The following ITGA9 variants were observed in gnomAD, a reference collection of about 807,000 sequenced individuals.
The protein encoded by ITGA9 is integrin alpha-9.
A neutral mutation model predicts 127.8 loss-of-function variants in ITGA9; 56 were observed. That is an observed-to-expected ratio of 0.44 (90% CI 0.35 to 0.55). The LOEUF (loss-of-function observed/expected upper bound fraction) is 0.55, where lower values mean the gene tolerates loss of function less well. Among genes scored for constraint, ITGA9 ranks in the 20% least tolerant of loss-of-function variants. ITGA9 has a pLI of 0.00. For synonymous variants in ITGA9, 508 were observed against 514.5 expected (o/e 0.99, Z 0.17); for missense variants, 1,196 against 1,347.1 (o/e 0.89, Z 1.76).
intron 17 of ITGA9, among the ~76,000 whole-genome samples, chr3:37,668,728 T>G (rs1700608465): frequency 2.6e-5 from 4 of 152,138 alleles, no homozygotes; most frequent in Admixed American, 2.6e-4. Context: ...GCACACACCC[T>G]CTCATCAGCA....
intron 15 of ITGA9, among the ~76,000 whole-genome samples, chr3:37,598,549 G>A (rs1053897347): frequency 2.0e-5 from 3 of 152,162 alleles, no homozygotes; most frequent in African/African-American, 7.2e-5. Context: ...AGAGTCAGGG[G>A]GGTCAGGAAG....
In ITGA9 at chr3:37,638,883, T is replaced by C. The variant is rs572968192; in HGVS notation, c.1839+9547T>C. On this transcript the variant is annotated intron_variant, in intron 16 of 27. Coordinates refer to ENST00000264741, the MANE Select transcript of ITGA9 (RefSeq NM_002207.3). The stretch of plus-strand genomic sequence containing the variant: ...GCTTACTGATTAATCTGAGGCTTTT[T>C]GCTATGAGTTAGGAATGTGCAGGAC... Among the ~76,000 whole-genome samples, 3 of 152,334 alleles carry C rather than the reference T, an allele frequency of 2.0e-5. No individual in the cohort carries two copies. The East Asian group carries it at 5.8e-4, about 29-fold the overall frequency.
At chr3:37,763,533 T>C (rs1433588031) in intron 23 of ITGA9, among the ~76,000 whole-genome samples, 1 of 152,174 alleles carries the variant, frequency 6.6e-6, no homozygotes, top group Non-Finnish European at 1.5e-5. Flanking sequence ...CTGGGGGAGT[T>C]TTCTGCCACA....
intron 18 of ITGA9, among the ~76,000 whole-genome samples, chr3:37,728,083 G>A (rs1309909590): frequency 2.0e-5 from 3 of 152,196 alleles, no homozygotes; most frequent in East Asian, 1.9e-4. Context: ...TCACTGGTCC[G>A]CGTTCCCAGT....
intron 18 of ITGA9, among the ~76,000 whole-genome samples, chr3:37,709,060 A>C (rs563909643): frequency 6.6e-6 from 1 of 152,186 alleles, no homozygotes; most frequent in East Asian, 1.9e-4. Flanking sequence ...CTTTTTTTTA[A>C]TGCTGCCTCA....
chr3:37,633,819 G>T (rs907527808), intron 16 of ITGA9, among the ~76,000 whole-genome samples: 3 of 152,080 alleles, frequency 2.0e-5, no homozygotes, highest in African/African-American at 7.2e-5. Flanking sequence ...CACTCCCACT[G>T]CCCAGCATCA....
At chr3:37,616,857 T>A (rs1045597814) in intron 15 of ITGA9, among the ~76,000 whole-genome samples, 12 of 152,228 alleles carry the variant, frequency 7.9e-5, no homozygotes, top group Non-Finnish European at 1.3e-4. Flanking sequence ...CCTATGTGTG[T>A]CTCTGCACGT....
In ITGA9 at chr3:37,542,529, A is replaced by G; in HGVS notation, c.1633A>G (p.Lys545Glu). 6.2e-7 allele frequency: 1 copy of G among 1,614,106 alleles called. No homozygotes were observed. The highest frequency in any genetic ancestry group is 8.5e-7 in the Non-Finnish European group (1 of 1,180,006). ...LGETMGQVTEKLQLTYMEETC... is the reference protein window; with the variant it reads ...LGETMGQVTEELQLTYMEETC... Reference sequence around the variant, plus strand: ...AGAGACCATGGGTCAGGTCACAGAGAAGCTGCAGCTGACTTACATGGAGGA... The same window carrying G: ...AGAGACCATGGGTCAGGTCACAGAGGAGCTGCAGCTGACTTACATGGAGGA... Residue 545 changes from lysine to glutamate, a missense_variant, in exon 15 of 28, where the codon AAG (lysine) becomes GAG (glutamate). By Grantham distance (56) the Lys-to-Glu change is moderately conservative. Coordinates refer to ENST00000264741, the MANE Select transcript of ITGA9 (RefSeq NM_002207.3).
At chr3:37,455,294 C>G (rs59082493) in intron 1 of ITGA9, among the ~76,000 whole-genome samples, 2 of 152,162 alleles carry the variant, frequency 1.3e-5, no homozygotes, top group East Asian at 1.9e-4. Flanking sequence ...CAACCTTTAA[C>G]GAAACCCTTG....
chr3:37,801,052 C>G (rs1697229933), intron 26 of ITGA9, among the ~76,000 whole-genome samples: 1 of 152,176 alleles, frequency 6.6e-6, no homozygotes, highest in Non-Finnish European at 1.5e-5. Context: ...GTAATCCCAG[C>G]TTCTTGGGAG....
At chr3:37,577,841 C>T (rs924702757) in intron 15 of ITGA9, among the ~76,000 whole-genome samples, 2 of 152,268 alleles carry the variant, frequency 1.3e-5, no homozygotes, top group African/African-American at 2.4e-5. Flanking sequence ...TAGTCATGAG[C>T]GTCACTTGGA....
At chr3:37,548,934 G>A (rs1461930448) in intron 15 of ITGA9, among the ~76,000 whole-genome samples, 1 of 152,226 alleles carries the variant, frequency 6.6e-6, no homozygotes, top group Non-Finnish European at 1.5e-5. Context: ...GGCAAGAAAA[G>A]AGGGGAAGGT....
intron 26 of ITGA9, among the ~76,000 whole-genome samples, chr3:37,795,387 A>G (rs1043605080): frequency 2.0e-5 from 3 of 152,212 alleles, no homozygotes; most frequent in African/African-American, 7.2e-5. Flanking sequence ...AAAAGTTTCC[A>G]GAAACACAGA....
Position 37,629,133 on chromosome 3 carries a change from T to C in ITGA9, c.1690-54T>C, listed in dbSNP as rs1489892110. On this transcript the variant is annotated intron_variant, in intron 15 of 27. Coordinates refer to ENST00000264741, the MANE Select transcript of ITGA9 (RefSeq NM_002207.3). The surrounding 1 kb of genome is among the most constrained non-coding windows in gnomAD (Gnocchi z 4.5). Reference sequence around the variant, plus strand: ...GGTCTTTGTAAACTGTGAAATGCTCTACGACTGTCAGCCAGGATTAGTAGT... The same window carrying C: ...GGTCTTTGTAAACTGTGAAATGCTCCACGACTGTCAGCCAGGATTAGTAGT... The C allele has an allele frequency of 3.1e-6, 5 of 1,604,796 alleles. No individual in the cohort carries two copies. The highest frequency in any genetic ancestry group is 1.3e-5 in the African/African-American group (1 of 74,706).
chr3:37,585,802 C>CCCCA (rs1553648617), intron 15 of ITGA9, among the ~76,000 whole-genome samples: 1 of 151,784 alleles, frequency 6.6e-6, no homozygotes, highest in African/African-American at 2.4e-5. Context: ...GGGGGCCCCC[C>CCCCA]CAATTTTAAT....
At chr3:37,473,136 C>CAAAAAAAAAAAAA (rs36109791) in intron 2 of ITGA9, among the ~76,000 whole-genome samples, 93 of 70,720 alleles carry the variant, frequency 1.3e-3, no homozygotes, top group Middle Eastern at 9.6e-3. Context: ...GAGACTGTCT[C>CAAAAAAAAAAAAA]AAAAAAAAAA....
chr3:37,700,140 G>C (rs780556769), intron 18 of ITGA9, among the ~76,000 whole-genome samples: 1 of 151,958 alleles, frequency 6.6e-6, no homozygotes, highest in African/African-American at 2.4e-5. Flanking sequence ...ATGCTACCAT[G>C]CTCAGCTAAT....
At chr3:37,770,205 A>G (rs1229082250) in intron 23 of ITGA9, among the ~76,000 whole-genome samples, 4 of 152,198 alleles carry the variant, frequency 2.6e-5, no homozygotes, top group Non-Finnish European at 4.4e-5. Flanking sequence ...CCCTCCACAC[A>G]TGGGTGCCGT....
chr3:37,683,547 C>G (rs895716023), intron 17 of ITGA9, among the ~76,000 whole-genome samples: 1 of 152,168 alleles, frequency 6.6e-6, no homozygotes, highest in Non-Finnish European at 1.5e-5. Context: ...CAGAAATAAC[C>G]GCATGAATTC....
Sources: allele counts gnomAD v4.1 joint callset (sites outside exome capture counted in the v4.1 genomes callset), GRCh38; gene constraint gnomAD v4.1.1; non-coding constraint Gnocchi (gnomAD v3.1); transcripts MANE v1.5; gene names NCBI Gene and HGNC (gene_info 2026-07-23, HGNC 2026-07-21).